SOX6: variants seen among roughly 807,000 people sequenced by gnomAD.
SOX6 encodes SRY-box transcription factor 6, also known as transcription factor SOX-6.
In SOX6, 11 loss-of-function variants were observed where a neutral mutation model predicts 97.8. That is an observed-to-expected ratio of 0.11 (90% CI 0.07 to 0.19). SOX6 has a LOEUF of 0.19. Ranked by LOEUF, SOX6 falls within the 10% of genes least tolerant of loss-of-function variation. SOX6 has a pLI of 1.00. For missense variants in SOX6, 810 were observed against 1,039.5 expected (o/e 0.78, Z 3.04); for synonymous variants, 360 against 371.4 (o/e 0.97, Z 0.35).
intron 3 of SOX6, among the ~76,000 whole-genome samples, chr11:16,246,519 A>G (rs1853340101): frequency 6.6e-6 from 1 of 151,908 alleles, no homozygotes; most frequent in Non-Finnish European, 1.5e-5. Context: ...TAATTATAAA[A>G]TTGTAGGTTG....
rs144313370 is a variant in SOX6, at chr11:16,426,533, C to T, written c.-5+49782G>A. The stretch of plus-strand genomic sequence containing the variant: ...CTACAACTATCTGATCATTGACAAA[C>T]GTGACAAAAACAAGCAATGGGGAAA... On this transcript the variant is annotated intron_variant, in intron 1 of 15. Transcript: ENST00000396356. Among the ~76,000 whole-genome samples the T allele has an allele frequency of 1.8e-3, 273 of 152,108 alleles. 7 individuals are homozygous for T. The South Asian group carries it at 0.029, about 16-fold the overall frequency.
chr11:16,556,148 C>T (rs1228494327), intron 4 of SOX6, among the ~76,000 whole-genome samples: 1 of 151,650 alleles, frequency 6.6e-6, no homozygotes, highest in Non-Finnish European at 1.5e-5. Context: ...TCCAGTAACA[C>T]ATTCAAGTTG....
At chr11:16,406,301 T>C (rs1029625740) in intron 1 of SOX6, among the ~76,000 whole-genome samples, 1 of 152,134 alleles carries the variant, frequency 6.6e-6, no homozygotes, top group Non-Finnish European at 1.5e-5. Flanking sequence ...TTGTATCAAC[T>C]ATATACAGCC....
At chr11:16,574,843 C>T (rs1307633275) in intron 4 of SOX6, among the ~76,000 whole-genome samples, 1 of 151,886 alleles carries the variant, frequency 6.6e-6, no homozygotes, top group Non-Finnish European at 1.5e-5. Flanking sequence ...GAGTTTGAGA[C>T]CAACCTAGCA....
chr11:16,268,956 T>C (rs529706959), intron 3 of SOX6, among the ~76,000 whole-genome samples: 1 of 151,114 alleles, frequency 6.6e-6, no homozygotes, highest in East Asian at 1.9e-4. Context: ...TAGCATGCTT[T>C]TCCTTTATTA....
intron 10 of SOX6, among the ~76,000 whole-genome samples, chr11:16,054,609 T>C (rs1038405877): frequency 6.6e-6 from 1 of 152,152 alleles, no homozygotes; most frequent in Non-Finnish European, 1.5e-5. Flanking sequence ...AATTCCCATA[T>C]GCAAATTTTA....
In SOX6 at chr11:16,484,816, A is replaced by G. The variant is rs184744563; in HGVS notation, n.610-8428T>C. The G allele has an allele frequency of 5.0e-3, 1,557 of 308,738 alleles. 23 individuals are homozygous for G. Among genetic ancestry groups the G allele is most frequent in the African/African-American group, 0.031 (1,460 of 46,630 alleles). The allele number at this position is 308,738 out of a possible 1,614,324, so 19.1% of individuals were successfully genotyped here. On this transcript the variant is annotated intron_variant and non_coding_transcript_variant, in intron 4 of 5. Coordinates refer to the SOX6 transcript ENST00000524520. ...TGACTCTTTACCAAGAATGTTGTGGAAAGAATTCTTATAGAGTTGAACGTT... is the reference window on the plus strand; with the variant it reads ...TGACTCTTTACCAAGAATGTTGTGGGAAGAATTCTTATAGAGTTGAACGTT...
At chr11:16,404,505 T>C (rs1418686448) in intron 1 of SOX6, among the ~76,000 whole-genome samples, 1 of 151,870 alleles carries the variant, frequency 6.6e-6, no homozygotes, top group African/African-American at 2.4e-5. Flanking sequence ...ATGTTATCAA[T>C]AGAAAGCCAT....
chr11:16,115,362 G>C (rs374807891), intron 6 of SOX6, among the ~76,000 whole-genome samples: 3 of 152,158 alleles, frequency 2.0e-5, no homozygotes, highest in East Asian at 3.9e-4. Context: ...TAAATTTTAG[G>C]CTAAAATTTA....
intron 2 of SOX6, among the ~76,000 whole-genome samples, chr11:16,339,925 A>G (rs1457086726): frequency 6.6e-6 from 1 of 152,138 alleles, no homozygotes; most frequent in East Asian, 1.9e-4. Context: ...TAAATCTTCC[A>G]GTGGATCGAA....
intron 6 of SOX6, among the ~76,000 whole-genome samples, chr11:16,121,059 A>G (rs1324358459): frequency 6.6e-6 from 1 of 152,110 alleles, no homozygotes; most frequent in Non-Finnish European, 1.5e-5. Context: ...AGCATACTCT[A>G]TATACTGAGC....
At chr11:16,571,352 ATTTAATCTG>A (rs2133199168) in intron 4 of SOX6, among the ~76,000 whole-genome samples, 1 of 152,302 alleles carries the variant, frequency 6.6e-6, no homozygotes, top group Non-Finnish European at 1.5e-5. Flanking sequence ...CCCCTATGCA[ATTTAATCTG>A]TATGAATAAC....
At chr11:16,341,348 A>G in intron 1 of SOX6, 96 bp from the exon 2 acceptor site, 1 of 1,502,254 alleles carries the variant, frequency 6.7e-7, no homozygotes, top group South Asian at 1.3e-5. Flanking sequence ...AAGGAAAGTT[A>G]TTTAACTTTA....
intron 6 of SOX6, among the ~76,000 whole-genome samples, chr11:16,132,410 A>G (rs1590216565): frequency 3.2e-5 from 2 of 62,716 alleles, no homozygotes; most frequent in African/African-American, 1.1e-4. Context: ...AAAAAGAAAG[A>G]AAGAAAGAAA....
chr11:16,219,902 A>G (rs1277462029), intron 4 of SOX6, among the ~76,000 whole-genome samples: 1 of 152,042 alleles, frequency 6.6e-6, no homozygotes, highest in Non-Finnish European at 1.5e-5. Context: ...TATAAATAGC[A>G]TGGAGATGGA....
intron 7 of SOX6, among the ~76,000 whole-genome samples, chr11:16,101,290 A>T (rs144781398): frequency 1.3e-5 from 2 of 151,766 alleles, no homozygotes; most frequent in East Asian, 3.9e-4. Flanking sequence ...ACTGTAGTAA[A>T]TGTTAGCAGG....
At chr11:16,022,018 A>T (rs1855073408) in intron 12 of SOX6, among the ~76,000 whole-genome samples, 1 of 152,144 alleles carries the variant, frequency 6.6e-6, no homozygotes, top group African/African-American at 2.4e-5. Flanking sequence ...TGAATTTTGA[A>T]TAATAACTCT....
chr11:16,339,168 C>A (rs1255794703), intron 2 of SOX6, among the ~76,000 whole-genome samples: 2 of 152,032 alleles, frequency 1.3e-5, no homozygotes. Flanking sequence ...TTCTTTCACT[C>A]TTGTCTCTCT....
intron 3 of SOX6, among the ~76,000 whole-genome samples, chr11:16,657,517 C>A (rs1353310135): frequency 1.3e-5 from 2 of 152,146 alleles, no homozygotes; most frequent in Non-Finnish European, 2.9e-5. Context: ...TAAGAAACTG[C>A]CAAACTGTTT....
Sources: allele counts gnomAD v4.1 joint callset (sites outside exome capture counted in the v4.1 genomes callset), GRCh38; gene constraint gnomAD v4.1.1; transcripts MANE v1.5; gene names NCBI Gene and HGNC (gene_info 2026-07-23, HGNC 2026-07-21).